Variants in SUGCT observed in about 807,000 individuals in gnomAD.
SUGCT encodes the protein succinyl-CoA:glutarate CoA-transferase.
A neutral mutation model predicts 55.0 loss-of-function variants in SUGCT; 41 were observed. The ratio of observed to expected loss-of-function variants is 0.74; its 90% CI spans 0.58 to 0.97. SUGCT has a LOEUF of 0.97. Ranked by LOEUF, SUGCT falls within the 50% of genes least tolerant of loss-of-function variation. SUGCT has a pLI of 0.00. For synonymous variants in SUGCT, 187 were observed against 200.4 expected (o/e 0.93, Z 0.56); for missense variants, 568 against 547.8 (o/e 1.04, Z -0.37).
chr7:40,702,822 C>T (rs553294725), intron 12 of SUGCT, among the ~76,000 whole-genome samples: 1 of 152,254 alleles, frequency 6.6e-6, no homozygotes, highest in African/African-American at 2.4e-5. Flanking sequence ...ATCCCATGGG[C>T]CCCTCACCTA....
intron 12 of SUGCT, among the ~76,000 whole-genome samples, chr7:40,583,937 G>C (rs1226649703): frequency 6.6e-6 from 1 of 152,146 alleles, no homozygotes; most frequent in Admixed American, 6.6e-5. Flanking sequence ...CTGCTTCATG[G>C]AAAATATTGT....
At chr7:40,818,983 C>G (rs992988482) in intron 13 of SUGCT, among the ~76,000 whole-genome samples, 13 of 146,068 alleles carry the variant, frequency 8.9e-5, no homozygotes, top group African/African-American at 2.5e-4. Context: ...TGTTCACTTC[C>G]CACCTATGAG....
At chr7:40,635,335 G>A (rs984187669) in intron 12 of SUGCT, among the ~76,000 whole-genome samples, 3 of 151,978 alleles carry the variant, frequency 2.0e-5, no homozygotes, top group African/African-American at 7.2e-5. Flanking sequence ...CATAGGGATT[G>A]AGTCAATTAC....
intron 9 of SUGCT, among the ~76,000 whole-genome samples, chr7:40,435,166 T>C (rs1383810769): frequency 6.6e-6 from 1 of 152,176 alleles, no homozygotes. Flanking sequence ...TGACCCTCTA[T>C]GCTTCAAGGC....
At chr7:40,953,674 A>G in the SUGCT span, among the ~76,000 whole-genome samples, 4 of 152,332 alleles carry the variant, frequency 2.6e-5, no homozygotes, top group South Asian at 8.3e-4. Flanking sequence ...TCTAACAGTC[A>G]GGACCCTCAG....
the SUGCT span, among the ~76,000 whole-genome samples, chr7:41,025,822 T>C: frequency 0.013 from 2,048 of 152,262 alleles, 45 homozygotes; most frequent in African/African-American, 0.045. Context: ...AGAAGGTGTA[T>C]TAGATTTTTA....
chr7:40,327,631 G>C (rs1319019345), intron 9 of SUGCT, among the ~76,000 whole-genome samples: 1 of 152,178 alleles, frequency 6.6e-6, no homozygotes, highest in Non-Finnish European at 1.5e-5. Context: ...GAAAGTAAAA[G>C]TAGTAAATCC....
intron 11 of SUGCT, among the ~76,000 whole-genome samples, chr7:40,475,486 A>G (rs1258581051): frequency 6.6e-6 from 1 of 152,210 alleles, no homozygotes; most frequent in African/African-American, 2.4e-5. Context: ...ATACCTGTTT[A>G]AAACCAAGCA....
At chr7:40,704,194 C>T (rs1785292035) in intron 12 of SUGCT, among the ~76,000 whole-genome samples, 1 of 152,172 alleles carries the variant, frequency 6.6e-6, no homozygotes, top group African/African-American at 2.4e-5. Context: ...GAAAAATTGG[C>T]TTTGAGAATA....
intron 8 of SUGCT, among the ~76,000 whole-genome samples, chr7:40,298,046 C>G (rs1584613163): frequency 1.3e-5 from 2 of 151,950 alleles, no homozygotes; most frequent in Non-Finnish European, 2.9e-5. Flanking sequence ...TTACCATCCT[C>G]CCTCCCTTCC....
chr7:40,153,584 T>C (rs1788695072), intron 1 of SUGCT: 4 of 504,054 alleles, frequency 7.9e-6, no homozygotes, highest in South Asian at 4.4e-5. Flanking sequence ...CTCTTACCCC[T>C]GGGATACTCA....
At chr7:41,027,413 A>G in the SUGCT span, among the ~76,000 whole-genome samples, 10 of 152,234 alleles carry the variant, frequency 6.6e-5, no homozygotes, top group Non-Finnish European at 1.2e-4. Context: ...ATGAGCAGAA[A>G]AATGGTAAAT....
chr7:40,973,634 T>C, the SUGCT span, among the ~76,000 whole-genome samples: 1 of 152,240 alleles, frequency 6.6e-6, no homozygotes, highest in Non-Finnish European at 1.5e-5. Flanking sequence ...GCATGCGTCC[T>C]GGCAGTGGCT....
intron 9 of SUGCT, among the ~76,000 whole-genome samples, chr7:40,439,064 GTATATATATATATATATATATATATA>G (rs1183426693): frequency 2.6e-4 from 7 of 27,192 alleles, no homozygotes; most frequent in East Asian, 1.1e-3. Flanking sequence ...TATATATGGT[GTATATATATATATATATATATATATA>G]TATATATATA....
intron 12 of SUGCT, among the ~76,000 whole-genome samples, chr7:40,683,274 A>G (rs1026590408): frequency 2.0e-5 from 3 of 152,144 alleles, no homozygotes; most frequent in Non-Finnish European, 2.9e-5. Context: ...GTGAAGGACA[A>G]CATCTTTTGT....
At chr7:40,690,570 A>G (rs1016948369) in intron 12 of SUGCT, among the ~76,000 whole-genome samples, 2 of 151,882 alleles carry the variant, frequency 1.3e-5, no homozygotes, top group Non-Finnish European at 1.5e-5. Flanking sequence ...ATTCATCCCT[A>G]TAATTTTTTT....
chr7:40,179,535 G>A lies in SUGCT; in HGVS notation c.101-1412G>A, dbSNP rs556664295. Among the ~76,000 whole-genome samples the A allele has an allele frequency of 1.8e-4, 28 of 152,120 alleles. No homozygotes were observed. The East Asian group carries it at 4.6e-3, about 25-fold the overall frequency. ...TGACCTCAGGTGATCTGCCCGCCTC[G>A]GCCTCCCAAAGTGCTGGGATTACAG... On this transcript the variant is annotated intron_variant, in intron 1 of 13. Coordinates refer to ENST00000335693, the MANE Select transcript of SUGCT (RefSeq NM_001193313.2).
intron 12 of SUGCT, among the ~76,000 whole-genome samples, chr7:40,563,231 C>G (rs1238462074): frequency 6.6e-6 from 1 of 152,120 alleles, no homozygotes; most frequent in Admixed American, 6.5e-5. Context: ...GTTCCATCCT[C>G]GGACTTGAAA....
At chr7:40,788,493 C>G (rs1037955605) in intron 13 of SUGCT, among the ~76,000 whole-genome samples, 2 of 152,086 alleles carry the variant, frequency 1.3e-5, no homozygotes, top group Non-Finnish European at 2.9e-5. Flanking sequence ...ACACATAAAA[C>G]AAAGGTGAAA....
Sources: allele counts gnomAD v4.1 joint callset (sites outside exome capture counted in the v4.1 genomes callset), GRCh38; gene constraint gnomAD v4.1.1; transcripts MANE v1.5; gene names NCBI Gene and HGNC (gene_info 2026-07-23, HGNC 2026-07-21).